Variants in HDAC4 observed in about 807,000 individuals in gnomAD.
HDAC4 encodes histone deacetylase 4.
HDAC4 carries 16 observed loss-of-function variants against 135.1 expected under a neutral mutation model. The observed-to-expected ratio is 0.12, with a 90% confidence interval of 0.08 to 0.18. HDAC4 has a LOEUF of 0.18. Ranked by LOEUF, HDAC4 falls within the 10% of genes least tolerant of loss-of-function variation. The pLI is 1.00. For missense variants in HDAC4, 1,143 were observed against 1,511.8 expected (o/e 0.76, Z 4.05); for synonymous variants, 685 against 653.4 (o/e 1.05, Z -0.74).
chr2:239,188,249 C>T (rs1425953226), intron 4 of HDAC4, among the ~76,000 whole-genome samples: 1 of 152,226 alleles, frequency 6.6e-6, no homozygotes, highest in Non-Finnish European at 1.5e-5. Context: ...TGGGATGCAG[C>T]CTCCCCCACA....
chr2:239,064,890 C>T (rs557065292), intron 24 of HDAC4, among the ~76,000 whole-genome samples: 2 of 152,358 alleles, frequency 1.3e-5, no homozygotes, highest in Admixed American at 1.3e-4. Flanking sequence ...ATGCTGAGGC[C>T]ACTCACAGAC....
chr2:239,384,977 C>T (rs1695688785), intron 1 of HDAC4, among the ~76,000 whole-genome samples: 1 of 152,202 alleles, frequency 6.6e-6, no homozygotes, highest in Non-Finnish European at 1.5e-5. Flanking sequence ...CCAAGGGCTC[C>T]AGCGAGCCAG....
At chr2:239,130,070 TG>T (rs1029411604) in intron 11 of HDAC4, among the ~76,000 whole-genome samples, 9 of 152,220 alleles carry the variant, frequency 5.9e-5, no homozygotes, top group Non-Finnish European at 1.0e-4. Flanking sequence ...TGTATTCCAT[TG>T]CTTTTTCTGC....
Position 239,210,914 on chromosome 2 carries a change from C to T in HDAC4, c.95-20837G>A, listed in dbSNP as rs573655347. Among the ~76,000 whole-genome samples, 9 of 152,310 alleles carry T rather than the reference C, an allele frequency of 5.9e-5. No homozygotes were observed. The East Asian group carries it at 1.7e-3, about 29-fold the overall frequency. ...CGAAAAAGCACTATTCCTTCGCCGGCCAACTCTTAAAGGGGATTTATGGCA... is the reference window on the plus strand; with the variant it reads ...CGAAAAAGCACTATTCCTTCGCCGGTCAACTCTTAAAGGGGATTTATGGCA... On this transcript the variant is annotated intron_variant, in intron 3 of 26. Coordinates refer to ENST00000543185, the MANE Select transcript of HDAC4 (RefSeq NM_001378414.1).
intron 7 of HDAC4, 119 bp downstream of exon 7, chr2:239,156,533 A>T (rs2042433614): frequency 8.2e-7 from 1 of 1,221,094 alleles, no homozygotes. Context: ...GAAAATATTT[A>T]AAAATCTGCA....
At chr2:239,324,862 A>G (rs1235526674) in intron 2 of HDAC4, among the ~76,000 whole-genome samples, 2 of 152,240 alleles carry the variant, frequency 1.3e-5, no homozygotes, top group South Asian at 4.1e-4. Context: ...GCCCTGGCTT[A>G]GGAAGAGCAG....
chr2:239,335,723 G>T (rs1691895666), intron 2 of HDAC4, among the ~76,000 whole-genome samples: 1 of 152,060 alleles, frequency 6.6e-6, no homozygotes, highest in Non-Finnish European at 1.5e-5. Context: ...GTATGAAAAG[G>T]TATTCAACAT....
intron 8 of HDAC4, among the ~76,000 whole-genome samples, chr2:239,142,221 G>A (rs1247098579): frequency 6.6e-6 from 1 of 152,154 alleles, no homozygotes; most frequent in Non-Finnish European, 1.5e-5. Flanking sequence ...CTGAGAAAAA[G>A]CAGAGTATCC....
At chr2:239,083,379 C>G (rs72996175) in intron 20 of HDAC4, among the ~76,000 whole-genome samples, 1 of 152,110 alleles carries the variant, frequency 6.6e-6, no homozygotes, top group Non-Finnish European at 1.5e-5. Context: ...GCTGCTCTGC[C>G]GCATCCCCTG....
intron 22 of HDAC4, among the ~76,000 whole-genome samples, chr2:239,079,305 CA>C (rs1427728881): frequency 6.6e-6 from 1 of 152,222 alleles, no homozygotes; most frequent in African/African-American, 2.4e-5. Context: ...CCGATGAGAT[CA>C]GGGGAAAAGT....
intron 11 of HDAC4, among the ~76,000 whole-genome samples, chr2:239,131,303 G>A (rs2040565620): frequency 6.6e-6 from 1 of 152,208 alleles, no homozygotes; most frequent in African/African-American, 2.4e-5. Context: ...TTTGTGGCTG[G>A]AGGGCTGTTC....
chr2:239,084,800 C>T (rs1310589930), intron 19 of HDAC4, among the ~76,000 whole-genome samples: 1 of 149,648 alleles, frequency 6.7e-6, no homozygotes, highest in East Asian at 2.0e-4. Context: ...ACCCCACACA[C>T]ACCCCACACC....
At chr2:239,182,432 C>G (rs2044211750) in intron 4 of HDAC4, among the ~76,000 whole-genome samples, 1 of 152,138 alleles carries the variant, frequency 6.6e-6, no homozygotes, top group Admixed American at 6.5e-5. Context: ...GCTCTTTCCA[C>G]CATCATTTCA....
rs377465992 is a variant in HDAC4 at position 239,066,489 on chromosome 2, C to T, written c.3003+233G>A. Among the ~76,000 whole-genome samples, 48 of 152,358 alleles carry T rather than the reference C, an allele frequency of 3.2e-4. 1 individual carries two copies. In the South Asian group the frequency reaches 9.3e-3, roughly 30 times the overall value. On this transcript the variant is annotated intron_variant, in intron 24 of 26. Transcript: ENST00000543185. ...CAGAGGACCCTGAGCCATCTTCTCA[C>T]GACAAGAGGGCTCCTTCCAGTCCTG...
At chr2:239,126,851 C>T (rs554082395) in intron 11 of HDAC4, among the ~76,000 whole-genome samples, 157 bp from the exon 12 acceptor site, 25 of 152,378 alleles carry the variant, frequency 1.6e-4, no homozygotes, top group Middle Eastern at 3.4e-3. Flanking sequence ...AACTGGGCCC[C>T]TTCCAGCTGA....
chr2:239,237,410 G>A (rs2047943556), intron 2 of HDAC4, among the ~76,000 whole-genome samples: 1 of 152,064 alleles, frequency 6.6e-6, no homozygotes, highest in Non-Finnish European at 1.5e-5. Flanking sequence ...CTTCTGACAA[G>A]TGGTGTAAAA....
At position 239,154,229 on chromosome 2, in the gene HDAC4, C is replaced by G. The variant is rs144096049; in HGVS notation, c.733+2423G>C. On this transcript the variant is annotated intron_variant, in intron 7 of 26. Transcript: ENST00000543185. ...GGGAAGGCACGTCCCCACATGAGGC[C>G]GACTTGCTGGGCTTGGTGCTCTCGC... is the stretch of plus-strand genomic sequence containing the variant. Among the ~76,000 whole-genome samples the G allele has an allele frequency of 2.6e-5, 4 of 152,056 alleles. No individual in the cohort carries two copies. The East Asian group carries it at 7.8e-4, about 29-fold the overall frequency.
chr2:239,248,545 T>C (rs763822168), intron 2 of HDAC4, among the ~76,000 whole-genome samples: 1 of 152,192 alleles, frequency 6.6e-6, no homozygotes, highest in Non-Finnish European at 1.5e-5. Flanking sequence ...TTTTCTAAAC[T>C]ATTGTTGCCA....
At position 239,156,562 on chromosome 2, in the gene HDAC4, T is replaced by A; in HGVS notation, c.733+90A>T. On this transcript the variant is annotated intron_variant, in intron 7 of 26. Transcript: ENST00000543185. The stretch of plus-strand genomic sequence containing the variant: ...ATCTGCAGGTGATTCCTTCTCTAAG[T>A]GGAAGACAGCGGTGGGCCCTGCGTG... 4.0e-6 allele frequency: 6 copies of A among 1,514,204 alleles called. No individual in the cohort carries two copies. In the South Asian group the frequency reaches 4.5e-5, roughly 11 times the overall value. 93.8% of individuals were successfully genotyped at this position (1,514,204 alleles called of 1,614,324 possible). A position where few individuals can be genotyped will look rare whatever the true frequency, so the allele number is the denominator to read the frequency against.
Sources: gnomAD v4.1 joint callset for allele counts (sites outside exome capture counted in the v4.1 genomes callset) on GRCh38, gnomAD v4.1.1 for gene constraint, MANE v1.5 for transcripts, NCBI Gene and HGNC (gene_info 2026-07-23, HGNC 2026-07-21) for gene names.